MMP8: variants seen among roughly 807,000 people sequenced by gnomAD.
MMP8 encodes the protein neutrophil collagenase.
Under a neutral mutation model 51.2 loss-of-function variants are expected in MMP8, and 67 were observed. That is an observed-to-expected ratio of 1.31 (90% CI 1.08 to 1.60). The LOEUF is 1.60. Ranked by LOEUF, MMP8 falls within the 40% of genes most tolerant of loss-of-function variation. The probability of loss-of-function intolerance (pLI) is 0.00; values close to 1 mark genes in which losing one functional copy is unlikely to be tolerated. For synonymous variants in MMP8, 225 were observed against 191.0 expected (o/e 1.18, Z -1.47); for missense variants, 654 against 558.1 (o/e 1.17, Z -1.73).
chr11:102,721,112 C>A (rs915477000), intron 4 of MMP8, among the ~76,000 whole-genome samples: 1 of 152,048 alleles, frequency 6.6e-6, no homozygotes, highest in African/African-American at 2.4e-5. Context: ...TTCAATAAAA[C>A]TTTATTTATA....
intron 4 of MMP8, among the ~76,000 whole-genome samples, 171 bp from the exon 5 acceptor site, chr11:102,718,746 A>T (rs1240173126): frequency 6.6e-6 from 1 of 152,190 alleles, no homozygotes. Context: ...ATTGAGAAGA[A>T]TCAAGATAGT....
chr11:102,716,423 GAAA>G lies in MMP8; in HGVS notation c.785-7_785-5del, dbSNP rs751481811. 29,674 of 387,116 alleles carry G rather than the reference GAAA, an allele frequency of 0.077. 389 individuals carry two copies. The highest frequency in any genetic ancestry group is 0.16 in the East Asian group (2,969 of 18,290). 24.0% of individuals were successfully genotyped at this position (387,116 alleles called of 1,614,324 possible). On this transcript the variant is annotated splice_region_variant and splice_polypyrimidine_tract_variant and intron_variant, in intron 5 of 9. Coordinates refer to ENST00000236826, the MANE Select transcript of MMP8 (RefSeq NM_002424.3). ...TGGATAGGGTTGCTTGAAAGTCCTG[GAAA>G]AAAAAAAAAAAAAAAAAAAAAGGTC... is the stretch of plus-strand genomic sequence containing the variant.
At position 102,721,428 on chromosome 11, in the gene MMP8, CG is replaced by C; in HGVS notation, c.594del (p.Glu199LysfsTer36). 5 of 1,613,612 alleles carry C rather than the reference CG, an allele frequency of 3.1e-6. No individual in the cohort carries two copies. Among genetic ancestry groups the C allele is most frequent in the Non-Finnish European group, 4.2e-6 (5 of 1,179,772 alleles). On this transcript the variant is annotated frameshift_variant, in exon 4 of 10. Coordinates refer to ENST00000236826, the MANE Select transcript of MMP8 (RefSeq NM_002424.3). LOFTEE classifies it high-confidence loss of function. ...GCGGAGGTGTTGGTCCATGTTTCTT[CG>C]GCATCAAAATGAGCATCTCCTCCAA... is the stretch of plus-strand genomic sequence containing the variant. ...QGIGGDAHFD[A>X]EETWTNTSAN...
At chr11:102,716,532 T>A in intron 5 of MMP8, 113 bp from the exon 6 acceptor site, 1 of 569,796 alleles carries the variant, frequency 1.8e-6, no homozygotes, top group East Asian at 2.8e-5. Flanking sequence ...CATGTGAAGG[T>A]AAGTGCTACC....
chr11:102,713,664 G>A, intron 9 of MMP8, 90 bp downstream of exon 9: 1 of 1,196,712 alleles, frequency 8.4e-7, no homozygotes, highest in South Asian at 1.5e-5. Context: ...CCAGGAGTTT[G>A]ACACTAACCT....
At chr11:102,713,587 C>T (rs898168507) in intron 9 of MMP8, 130 bp from the exon 10 acceptor site, 2 of 1,004,700 alleles carry the variant, frequency 2.0e-6, no homozygotes, top group African/African-American at 1.6e-5. Flanking sequence ...ATTTAAACAC[C>T]AGGTGCGGTG....
In MMP8 at chr11:102,714,762, T is replaced by TTATATATATA. The variant is rs58774554; in HGVS notation, c.1037-63_1037-54dup. 1.0e-3 allele frequency: 176 copies of TTATATATATA among 176,620 alleles called. 1 individual carries two copies. The highest frequency in any genetic ancestry group is 2.2e-3 in the Middle Eastern group (1 of 454). 10.9% of individuals were successfully genotyped at this position (176,620 alleles called of 1,614,324 possible). On this transcript the variant is annotated intron_variant, in intron 7 of 9. Coordinates refer to ENST00000236826, the MANE Select transcript of MMP8 (RefSeq NM_002424.3). Reference sequence around the variant, plus strand: ...ATACGACTTTTCCATTTTTACAAAATTATATATATATATATATATATATAT... The same window carrying TTATATATATA: ...ATACGACTTTTCCATTTTTACAAAATTATATATATATATATATATATATATATATATATAT...
rs1012944998 is a variant in MMP8 at position 102,721,852 on chromosome 11, C to A, written c.348-90G>T. On this transcript the variant is annotated intron_variant, in intron 2 of 9. Transcript: ENST00000236826. ...AGTTGTTCTGTTTTGAAGTGAGTTG[C>A]ATCATGGTGTGCTACCACTGGAGAG... 13 of 1,450,928 alleles carry A rather than the reference C, an allele frequency of 9.0e-6. No homozygotes were observed. In the African/African-American group the frequency reaches 1.8e-4, roughly 20 times the overall value. The allele number at this position is 1,450,928 out of a possible 1,614,324, so 89.9% of individuals were successfully genotyped here.
intron 3 of MMP8, 41 bp downstream of exon 3, chr11:102,721,573 G>A (rs775448224): frequency 6.2e-7 from 1 of 1,613,356 alleles, no homozygotes; most frequent in Non-Finnish European, 8.5e-7. Flanking sequence ...TTTCAGGTTA[G>A]CCAAAGAAAG....
chr11:102,713,172 G>A lies in MMP8; in HGVS notation c.*176C>T, dbSNP rs1365219710. ...ATGTGTAAGAACTGAATAAGCCTCT[G>A]CAAATAGTGGAATATTCCAAACATA... On this transcript the variant is annotated 3_prime_UTR_variant, in exon 10 of 10. Coordinates refer to ENST00000236826, the MANE Select transcript of MMP8 (RefSeq NM_002424.3). 5.3e-6 allele frequency: 3 copies of A among 565,200 alleles called. No homozygotes were observed. In the Admixed American group the frequency reaches 9.6e-5, roughly 18 times the overall value. 35.0% of individuals were successfully genotyped at this position (565,200 alleles called of 1,614,324 possible). A position where few individuals can be genotyped will look rare whatever the true frequency, so the allele number is the denominator to read the frequency against.
chr11:102,718,281 T>C, intron 5 of MMP8, 133 bp downstream of exon 5: 1 of 967,196 alleles, frequency 1.0e-6, no homozygotes, highest in Non-Finnish European at 1.5e-6. Context: ...GTTAATGCTT[T>C]ATTACTGGGG....
chr11:102,714,210 T>C (rs892424133), intron 8 of MMP8, among the ~76,000 whole-genome samples: 3 of 152,230 alleles, frequency 2.0e-5, no homozygotes, highest in African/African-American at 7.2e-5. Flanking sequence ...GGAACCAAAT[T>C]CTGCAGGCTA....
rs140270455 is a variant in MMP8 at position 102,718,307 on chromosome 11, T to A, written c.784+107A>T. 15 of 1,219,288 alleles carry A rather than the reference T, an allele frequency of 1.2e-5. No individual in the cohort carries two copies. The African/African-American group carries it at 2.3e-4, about 19-fold the overall frequency. The allele number at this position is 1,219,288 out of a possible 1,614,324, so 75.5% of individuals were successfully genotyped here. ...ATTACTGGGGAAATTCAGAGTTCAG[T>A]TTTATGGAAACTGCAGAAGTGCAAA... On this transcript the variant is annotated intron_variant, in intron 5 of 9. Coordinates refer to ENST00000236826, the MANE Select transcript of MMP8 (RefSeq NM_002424.3).
chr11:102,724,559 T>C (rs1215987837), intron 1 of MMP8, among the ~76,000 whole-genome samples, 195 bp downstream of exon 1: 2 of 152,186 alleles, frequency 1.3e-5, no homozygotes, highest in Non-Finnish European at 2.9e-5. Flanking sequence ...ATTCAGCTTG[T>C]TTTCATGTCC....
Position 102,724,897 on chromosome 11 carries a change from T to C in MMP8, c.-42A>G, listed in dbSNP as rs373922862. ...TCTACCCCTCCTGGCTTTCTTTCTG[T>C]CCCTCTGGGTAGGGCCCTTCCCTGG... On this transcript the variant is annotated 5_prime_UTR_variant, in exon 1 of 10. Coordinates refer to ENST00000236826, the MANE Select transcript of MMP8 (RefSeq NM_002424.3). The C allele has an allele frequency of 3.7e-5, 59 of 1,586,420 alleles. 1 individual carries two copies. Among genetic ancestry groups the C allele is most frequent in the African/African-American group, 2.7e-5 (2 of 74,348 alleles).
Position 102,721,616 on chromosome 11 carries a change from C to T in MMP8, c.494G>A (p.Arg165Lys). ...GAGCATGACTGCTTTGTACCTACCT[C>T]TTTGGTAAAAAGCAATGTTGATATC... ...EADINIAFYQ[R>K]DHGDNSPFDG... The change falls in exon 3 of 10, where the codon AGA (arginine) becomes AAA (lysine). Residue 165 changes from arginine (R) to lysine (K), a missense_variant and splice_region_variant. Arg to Lys is a conservative substitution (Grantham distance 26). Transcript: ENST00000236826. The T allele has an allele frequency of 6.2e-7, 1 of 1,613,780 alleles. No individual in the cohort carries two copies. Among genetic ancestry groups the T allele is most frequent in the Non-Finnish European group, 8.5e-7 (1 of 1,179,796 alleles).
At position 102,722,469 on chromosome 11, in the gene MMP8, G is replaced by A. The variant is rs749551335; in HGVS notation, c.307C>T (p.Pro103Ser). Residue 103 changes from proline to serine, a missense_variant, in exon 2 of 10, where the codon CCA (proline) becomes TCA (serine). Transcript: ENST00000236826. ...VPDSGGFMLT[P>S]GNPKWERTNL... is the part of the protein sequence containing the mutation. ...GTGCGTTCCCACTTGGGGTTTCCTGGGGTTAACATAAAACCACCACTGTCA... is the reference window on the plus strand; with the variant it reads ...GTGCGTTCCCACTTGGGGTTTCCTGAGGTTAACATAAAACCACCACTGTCA... The A allele has an allele frequency of 1.2e-6, 2 of 1,613,748 alleles. No individual in the cohort carries two copies. The highest frequency in any genetic ancestry group is 3.3e-5 in the Admixed American group (2 of 59,948).
Position 102,721,762 on chromosome 11 carries a change from C to G in MMP8, c.348G>C (p.Arg116Ser). The G allele has an allele frequency of 1.2e-6, 2 of 1,613,322 alleles. No homozygotes were observed. The highest frequency in any genetic ancestry group is 1.7e-6 in the Non-Finnish European group (2 of 1,179,608). ...PKWERTNLTYRIRNYTPQLSE... is the reference protein window; with the variant it reads ...PKWERTNLTYSIRNYTPQLSE... The stretch of plus-strand genomic sequence containing the variant: ...ACAGCTGTGGGGTATAGTTTCGAAT[C>G]CTTCAAAATGAGAGGATGTATGAAG... Residue 116 changes from arginine (R) to serine (S), a missense_variant and splice_region_variant, in exon 3 of 10, where the codon AGG becomes AGC. Arg to Ser is a moderately radical substitution (Grantham distance 110). Transcript: ENST00000236826.
In MMP8 at chr11:102,716,403, A is replaced by G. The variant is rs199952526; in HGVS notation, c.801T>C (p.Pro267=). ...IQAIYGLSSN[P]IQPTGPSTPK... Reference sequence around the variant, plus strand: ...GTGTGCTTGGTCCAGTAGGTTGGATAGGGTTGCTTGAAAGTCCTGGAAAAA... The same window carrying G: ...GTGTGCTTGGTCCAGTAGGTTGGATGGGGTTGCTTGAAAGTCCTGGAAAAA... The change falls in exon 6 of 10, where the codon CCT becomes CCC. Residue 267 remains proline (P), a synonymous_variant. Coordinates refer to ENST00000236826, the MANE Select transcript of MMP8 (RefSeq NM_002424.3). 5.5e-6 allele frequency: 4 copies of G among 726,410 alleles called. No individual in the cohort carries two copies. Among genetic ancestry groups the G allele is most frequent in the Non-Finnish European group, 6.5e-6 (3 of 462,862 alleles). The allele number at this position is 726,410 out of a possible 1,614,324, so 45.0% of individuals were successfully genotyped here.
Sources: gnomAD v4.1 joint callset for allele counts (sites outside exome capture counted in the v4.1 genomes callset) on GRCh38, gnomAD v4.1.1 for gene constraint, MANE v1.5 for transcripts, NCBI Gene and HGNC (gene_info 2026-07-23, HGNC 2026-07-21) for gene names.